HDAC9: variants seen among roughly 807,000 people sequenced by gnomAD.
HDAC9 encodes MEF-2 interacting transcription repressor (MITR) protein.
Under a neutral mutation model 139.4 loss-of-function variants are expected in HDAC9, and 41 were observed. That is an observed-to-expected ratio of 0.29 (90% CI 0.23 to 0.38). The LOEUF (loss-of-function observed/expected upper bound fraction) is 0.38. Among genes scored for constraint, HDAC9 ranks in the 10% least tolerant of loss-of-function variants. The probability of loss-of-function intolerance (pLI) is 1.00; values close to 1 mark genes in which losing one functional copy is unlikely to be tolerated. For synonymous variants in HDAC9, 517 were observed against 476.2 expected (o/e 1.09, Z -1.12); for missense variants, 1,147 against 1,297.0 (o/e 0.88, Z 1.78).
intron 6 of HDAC9, among the ~76,000 whole-genome samples, chr7:18,624,056 C>T (rs2269748): frequency 0.027 from 4,061 of 152,228 alleles, 138 homozygotes; most frequent in African/African-American, 0.075. Context: ...ACAAAAATCA[C>T]GCCCCGCAAT....
chr7:18,499,176 C>T (rs1245999133), intron 2 of HDAC9, among the ~76,000 whole-genome samples: 4 of 151,858 alleles, frequency 2.6e-5, no homozygotes, highest in African/African-American at 9.7e-5. Flanking sequence ...GAACCCCAAT[C>T]GCAGATTTCA....
At chr7:18,827,690 C>T (rs975356497) in intron 17 of HDAC9, among the ~76,000 whole-genome samples, 1 of 152,232 alleles carries the variant, frequency 6.6e-6, no homozygotes, top group African/African-American at 2.4e-5. Flanking sequence ...AATTGAATCA[C>T]AAAAGTTTTA....
At chr7:18,094,182 G>T (rs1782350043) in intron 1 of HDAC9, among the ~76,000 whole-genome samples, 1 of 152,144 alleles carries the variant, frequency 6.6e-6, no homozygotes, top group Admixed American at 6.5e-5. Flanking sequence ...TCTGGGTTCA[G>T]GTGTCCACCC....
At chr7:18,382,048 TA>T (rs1013358712) in intron 1 of HDAC9, among the ~76,000 whole-genome samples, 3 of 152,074 alleles carry the variant, frequency 2.0e-5, no homozygotes, top group African/African-American at 7.2e-5. Flanking sequence ...AACTCCCTCA[TA>T]AAAAAATCCA....
At chr7:18,809,858 C>T (rs1336468424) in intron 17 of HDAC9, among the ~76,000 whole-genome samples, 3 of 151,892 alleles carry the variant, frequency 2.0e-5, no homozygotes, top group African/African-American at 7.2e-5. Flanking sequence ...ATCCAGAATC[C>T]AACTTCTGAA....
intron 6 of HDAC9, among the ~76,000 whole-genome samples, chr7:18,608,427 T>G (rs930587354): frequency 6.6e-6 from 1 of 152,166 alleles, no homozygotes; most frequent in Admixed American, 6.5e-5. Flanking sequence ...TTTTATAGAT[T>G]TATTTGCTTT....
chr7:18,113,360 T>TA (rs982249325), intron 1 of HDAC9, among the ~76,000 whole-genome samples: 27 of 152,196 alleles, frequency 1.8e-4, no homozygotes, highest in African/African-American at 6.5e-4. Flanking sequence ...AATATTTAAA[T>TA]AAAAAATGAG....
At chr7:18,730,872 G>A (rs962134720) in intron 13 of HDAC9, among the ~76,000 whole-genome samples, 30 of 152,056 alleles carry the variant, frequency 2.0e-4, no homozygotes, top group Non-Finnish European at 3.8e-4. Flanking sequence ...CTTGTCTTTG[G>A]CACATCCAAA....
chr7:18,742,708 C>G (rs1787571815), intron 13 of HDAC9, among the ~76,000 whole-genome samples: 1 of 151,686 alleles, frequency 6.6e-6, no homozygotes, highest in African/African-American at 2.4e-5. Flanking sequence ...TCTAGTAGTC[C>G]TTTCCTTTAT....
At chr7:18,991,269 TA>T (rs1320956250) in intron 25 of HDAC9, among the ~76,000 whole-genome samples, 4 of 152,078 alleles carry the variant, frequency 2.6e-5, no homozygotes, top group Non-Finnish European at 5.9e-5. Flanking sequence ...TGAAAGAACA[TA>T]AAACAAAATT....
intron 12 of HDAC9, among the ~76,000 whole-genome samples, chr7:18,694,170 A>T (rs1003890181): frequency 6.6e-6 from 1 of 152,210 alleles, no homozygotes; most frequent in Non-Finnish European, 1.5e-5. Context: ...GACCTGCCTC[A>T]TCATGCAATA....
At chr7:18,936,529 C>CTGACT (rs1195737784) in intron 23 of HDAC9, among the ~76,000 whole-genome samples, 1 of 152,196 alleles carries the variant, frequency 6.6e-6, no homozygotes, top group Non-Finnish European at 1.5e-5. Context: ...AACATACTTT[C>CTGACT]TGACTACTCT....
intron 1 of HDAC9, among the ~76,000 whole-genome samples, chr7:18,358,458 A>G (rs1168311583): frequency 6.6e-6 from 1 of 152,238 alleles, no homozygotes; most frequent in African/African-American, 2.4e-5. Context: ...TGATTTTGGA[A>G]ACATGAATAT....
At chr7:18,960,720 C>G (rs754498814) in intron 24 of HDAC9, among the ~76,000 whole-genome samples, 1 of 151,846 alleles carries the variant, frequency 6.6e-6, no homozygotes, top group Admixed American at 6.6e-5. Context: ...GTAATGTTAC[C>G]GTAAAGATAA....
intron 2 of HDAC9, among the ~76,000 whole-genome samples, chr7:18,192,216 G>T (rs1002539406): frequency 6.6e-6 from 1 of 152,060 alleles, no homozygotes; most frequent in African/African-American, 2.4e-5. Flanking sequence ...TTTATTTCAG[G>T]GAGCAAATCC....
chr7:18,865,599 C>T (rs189420862), intron 21 of HDAC9, among the ~76,000 whole-genome samples: 597 of 152,196 alleles, frequency 3.9e-3, no homozygotes, highest in Non-Finnish European at 6.1e-3. Flanking sequence ...CACAAGGACC[C>T]TACAGGGCCT....
intron 22 of HDAC9, among the ~76,000 whole-genome samples, chr7:18,882,138 G>A (rs892193521): frequency 6.6e-6 from 1 of 152,054 alleles, no homozygotes; most frequent in Non-Finnish European, 1.5e-5. Flanking sequence ...TTTTTTTAAA[G>A]TAAGTCAGAT....
intron 7 of HDAC9, among the ~76,000 whole-genome samples, chr7:18,633,276 G>A (rs1782889530): frequency 6.6e-6 from 1 of 152,082 alleles, no homozygotes; most frequent in Non-Finnish European, 1.5e-5. Context: ...TTTCTCTGAG[G>A]CCTTCAAGTG....
intron 12 of HDAC9, among the ~76,000 whole-genome samples, chr7:18,698,151 A>G (rs1348339320): frequency 6.6e-6 from 1 of 152,190 alleles, no homozygotes; most frequent in East Asian, 1.9e-4. Flanking sequence ...AATTTAATAT[A>G]AGCTCAATGA....
Sources: gnomAD v4.1 joint callset for allele counts (sites outside exome capture counted in the v4.1 genomes callset) on GRCh38, gnomAD v4.1.1 for gene constraint, MANE v1.5 for transcripts, NCBI Gene and HGNC (gene_info 2026-07-23, HGNC 2026-07-21) for gene names.